The following CCDC91 variants were observed in gnomAD, a reference collection of about 807,000 sequenced individuals.
CCDC91 encodes coiled-coil domain-containing protein 91.
A neutral mutation model predicts 63.2 loss-of-function variants in CCDC91; 48 were observed. The observed-to-expected ratio is 0.76, with a 90% CI of 0.60 to 0.97. CCDC91 has a LOEUF of 0.97. Among genes scored for constraint, CCDC91 ranks in the 50% least tolerant of loss-of-function variants. The pLI, the probability that CCDC91 is intolerant of heterozygous loss-of-function variation, is 0.00. For missense variants in CCDC91, 500 were observed against 494.6 expected (o/e 1.01, Z -0.10); for synonymous variants, 167 against 165.8 (o/e 1.01, Z -0.06).
At chr12:28,417,877 A>G (rs1947776111) in intron 8 of CCDC91, among the ~76,000 whole-genome samples, 1 of 152,022 alleles carries the variant, frequency 6.6e-6, no homozygotes. Flanking sequence ...CAGTGCACCT[A>G]TGTTGTATAT....
intron 1 of CCDC91, among the ~76,000 whole-genome samples, chr12:28,192,003 A>G (rs1394620430): frequency 2.0e-5 from 3 of 152,252 alleles, no homozygotes; most frequent in African/African-American, 7.2e-5. Context: ...AAACAAAGTG[A>G]TGAAAGTTAC....
intron 12 of CCDC91, among the ~76,000 whole-genome samples, chr12:28,543,333 T>C (rs1281455886): frequency 1.3e-5 from 2 of 152,084 alleles, no homozygotes; most frequent in Non-Finnish European, 2.9e-5. Flanking sequence ...GAATCGAATA[T>C]CCCACTGTTC....
At chr12:28,399,796 A>T (rs574134582) in intron 8 of CCDC91, among the ~76,000 whole-genome samples, 1 of 152,366 alleles carries the variant, frequency 6.6e-6, no homozygotes, top group African/African-American at 2.4e-5. Flanking sequence ...CTTTGACTCC[A>T]TGTCTCACAT....
chr12:28,334,209 TG>T (rs1230783740), intron 6 of CCDC91, among the ~76,000 whole-genome samples: 1 of 152,114 alleles, frequency 6.6e-6, no homozygotes, highest in Non-Finnish European at 1.5e-5. Flanking sequence ...TTGGGAGACT[TG>T]CTTCCAAACA....
At chr12:28,192,184 A>G (rs1941317402) in intron 1 of CCDC91, among the ~76,000 whole-genome samples, 1 of 152,236 alleles carries the variant, frequency 6.6e-6, no homozygotes, top group Admixed American at 6.5e-5. Flanking sequence ...TTTGGGTGGC[A>G]TTAAAATAGA....
intron 11 of CCDC91, among the ~76,000 whole-genome samples, 173 bp from the exon 12 acceptor site, chr12:28,483,879 T>A (rs1951574961): frequency 6.6e-6 from 1 of 152,164 alleles, no homozygotes; most frequent in African/African-American, 2.4e-5. Flanking sequence ...GGGAGTTCTG[T>A]GAACTCTCTA....
At chr12:28,403,082 A>G (rs1045940431) in intron 8 of CCDC91, among the ~76,000 whole-genome samples, 6 of 152,172 alleles carry the variant, frequency 3.9e-5, no homozygotes, top group African/African-American at 1.4e-4. Flanking sequence ...CAAAATGTTT[A>G]TGATTATTGA....
chr12:28,377,033 A>G (rs2138976974), intron 7 of CCDC91, among the ~76,000 whole-genome samples: 1 of 151,824 alleles, frequency 6.6e-6, no homozygotes, highest in African/African-American at 2.4e-5. Flanking sequence ...CAAATAAGGT[A>G]TGAACATTTA....
chr12:28,229,401 G>A (rs1565641879), intron 1 of CCDC91, among the ~76,000 whole-genome samples: 2 of 152,120 alleles, frequency 1.3e-5, no homozygotes, highest in African/African-American at 2.4e-5. Flanking sequence ...TATTAAAGTG[G>A]TAAGTGCTAT....
intron 1 of CCDC91, 31 bp downstream of exon 1, chr12:28,190,672 G>A (rs1941123172): frequency 1.3e-5 from 2 of 152,416 alleles, no homozygotes; most frequent in Non-Finnish European, 2.9e-5. Context: ...CGGGGCCTGG[G>A]TCTTGGGGTC....
At chr12:28,267,706 ATTATATAATTATATAT>A (rs1565698660) in intron 3 of CCDC91, among the ~76,000 whole-genome samples, 23 of 115,096 alleles carry the variant, frequency 2.0e-4, no homozygotes, top group Non-Finnish European at 2.7e-4. Context: ...ATTATATATA[ATTATATAATTATATAT>A]ATTATTTATT....
rs1939938841 is a variant in CCDC91 at position 28,516,294 on chromosome 12, A to C, written c.1215+32129A>C. The stretch of plus-strand genomic sequence containing the variant: ...ATATCAGAATACCTAAGACTGAGTA[A>C]TTTGTAATGAACAGAAATTTATTTT... On this transcript the variant is annotated intron_variant, in intron 12 of 12. Coordinates refer to ENST00000536442, the MANE Select transcript of CCDC91 (RefSeq NM_018318.5). 2.0e-5 allele frequency among the ~76,000 whole-genome samples: 3 copies of C among 152,026 alleles called. No homozygotes were observed. In the South Asian group the frequency reaches 6.2e-4, roughly 32 times the overall value.
intron 3 of CCDC91, among the ~76,000 whole-genome samples, chr12:28,285,232 C>T (rs572672998): frequency 6.6e-6 from 1 of 152,220 alleles, no homozygotes; most frequent in East Asian, 1.9e-4. Context: ...TTCAGAGTTT[C>T]TCTGAAGGGG....
chr12:28,420,495 A>G (rs558384962), intron 8 of CCDC91, among the ~76,000 whole-genome samples: 1 of 152,288 alleles, frequency 6.6e-6, no homozygotes, highest in Non-Finnish European at 1.5e-5. Context: ...TATGTATCAG[A>G]CACTACTGAG....
At chr12:28,242,646 T>C (rs1945423925) in intron 1 of CCDC91, among the ~76,000 whole-genome samples, 1 of 151,944 alleles carries the variant, frequency 6.6e-6, no homozygotes, top group African/African-American at 2.4e-5. Context: ...GGGGTCTAGG[T>C]TGTTATCAAA....
chr12:28,214,340 T>C (rs1307700191), intron 1 of CCDC91, among the ~76,000 whole-genome samples: 2 of 152,078 alleles, frequency 1.3e-5, no homozygotes, highest in African/African-American at 4.8e-5. Context: ...TTAGGATGTC[T>C]TGGTCAGTGG....
intron 11 of CCDC91, among the ~76,000 whole-genome samples, chr12:28,453,947 A>G (rs1949939146): frequency 6.6e-6 from 1 of 152,158 alleles, no homozygotes; most frequent in South Asian, 2.1e-4. Context: ...GGAAAAATAT[A>G]TATTTTAAAG....
At chr12:28,267,713 A>ATATTATTT (rs1947298236) in intron 3 of CCDC91, among the ~76,000 whole-genome samples, 3 of 104,562 alleles carry the variant, frequency 2.9e-5, no homozygotes, top group African/African-American at 3.7e-5. Context: ...ATAATTATAT[A>ATATTATTT]ATTATATATA....
At chr12:28,419,731 T>C (rs553456916) in intron 8 of CCDC91, among the ~76,000 whole-genome samples, 1 of 149,600 alleles carries the variant, frequency 6.7e-6, no homozygotes, top group Non-Finnish European at 1.5e-5. Context: ...GTCTCTTTCA[T>C]GTGCTGTTTT....
Sources: gnomAD v4.1 joint callset for allele counts (sites outside exome capture counted in the v4.1 genomes callset) on GRCh38, gnomAD v4.1.1 for gene constraint, MANE v1.5 for transcripts, NCBI Gene and HGNC (gene_info 2026-07-23, HGNC 2026-07-21) for gene names.